AGTRAP: variants seen among roughly 807,000 people sequenced by gnomAD.
The protein encoded by AGTRAP is type-1 angiotensin II receptor-associated protein.
A neutral mutation model predicts 15.2 loss-of-function variants in AGTRAP; 7 were observed. The observed-to-expected ratio is 0.46, with a 90% CI of 0.26 to 0.87. AGTRAP has a LOEUF of 0.87. AGTRAP is among the 40% of genes least tolerant of loss of function. The pLI, the probability that AGTRAP is intolerant of heterozygous loss-of-function variation, is 0.15. For missense variants in AGTRAP, 187 were observed against 213.4 expected (o/e 0.88, Z 0.77); for synonymous variants, 74 against 89.6 (o/e 0.83, Z 0.98).
At position 11,750,555 on chromosome 1, in the gene AGTRAP, T is replaced by G; in HGVS notation, c.*363T>G. 2.0e-6 allele frequency: 1 copy of G among 501,292 alleles called. No homozygotes were observed. Among genetic ancestry groups the G allele is most frequent in the Non-Finnish European group, 3.6e-6 (1 of 279,202 alleles). The allele number at this position is 501,292 out of a possible 1,614,324, so 31.1% of individuals were successfully genotyped here. ...ATGCCCCCTCAGGCCTCCCCCAAGTTTGCTGGGCTTTGGTGGAAGCCCTGA... is the reference window on the plus strand; with the variant it reads ...ATGCCCCCTCAGGCCTCCCCCAAGTGTGCTGGGCTTTGGTGGAAGCCCTGA... On this transcript the variant is annotated 3_prime_UTR_variant, in exon 5 of 5. Coordinates refer to ENST00000314340, the MANE Select transcript of AGTRAP (RefSeq NM_020350.5).
chr1:11,748,419 T>C lies in AGTRAP; in HGVS notation c.173T>C (p.Leu58Pro). The C allele has an allele frequency of 6.2e-7, 1 of 1,613,362 alleles. No homozygotes were observed. Among genetic ancestry groups the C allele is most frequent in the East Asian group, 2.2e-5 (1 of 44,870 alleles). ...TCAGTGTGGTGTGTCTTGCAGTTTC[T>C]GGGTGGCTTGCTGGCCACCATCTTC... Reference protein sequence around the residue: ...RDSIDAISMFLGGLLATIFLD... With the variant: ...RDSIDAISMFPGGLLATIFLD... Residue 58 changes from leucine to proline, a missense_variant, in exon 4 of 5, where the codon CTG becomes CCG. By Grantham distance (98) the Leu-to-Pro change is moderately conservative. Coordinates refer to ENST00000314340, the MANE Select transcript of AGTRAP (RefSeq NM_020350.5).
At chr1:11,748,312 A>G in intron 3 of AGTRAP, 103 bp from the exon 4 acceptor site, 1 of 1,318,600 alleles carries the variant, frequency 7.6e-7, no homozygotes, top group Admixed American at 1.9e-5. Context: ...CGCAAGCCCC[A>G]AGGACACAGC....
At position 11,748,545 on chromosome 1, in the gene AGTRAP, C is replaced by G; in HGVS notation, c.299C>G (p.Pro100Arg). 1 of 1,612,492 alleles carries G rather than the reference C, an allele frequency of 6.2e-7. No homozygotes were observed. Residue 100 changes from proline (P) to arginine (R), a missense_variant, in exon 4 of 5, where the codon CCG becomes CGG. Coordinates refer to ENST00000314340, the MANE Select transcript of AGTRAP (RefSeq NM_020350.5). ...GCCATCCTCAGCTTGCTGCTCAAGC[C>G]GCTCTCCTGCTGCTTCGTCTACCAC... is the stretch of plus-strand genomic sequence containing the variant. ...GMAILSLLLKPLSCCFVYHMY... is the reference protein window; with the variant it reads ...GMAILSLLLKRLSCCFVYHMY...
intron 1 of AGTRAP, chr1:11,744,596 C>G (rs1292323022): frequency 1.4e-6 from 1 of 714,508 alleles, no homozygotes; most frequent in African/African-American, 1.8e-5. Flanking sequence ...CGCTTCCCAT[C>G]GAGGCCTCTT....
intron 1 of AGTRAP, among the ~76,000 whole-genome samples, chr1:11,742,667 G>A (rs771722852): frequency 1.7e-4 from 26 of 152,102 alleles, no homozygotes; most frequent in South Asian, 8.3e-4. Context: ...GGTAGCTGGG[G>A]CTATAGATGT....
In AGTRAP at chr1:11,747,524, C is replaced by T; in HGVS notation, c.147C>T (p.Asp49=). The change falls in exon 3 of 5, where the codon GAC becomes GAT. Residue 49 remains aspartate, a synonymous_variant. Coordinates refer to ENST00000314340, the MANE Select transcript of AGTRAP (RefSeq NM_020350.5). The part of the protein sequence containing the change: ...ALGVWAVAQR[D]SIDAISMFLG... ...GCGTGTGGGCTGTGGCTCAGCGGGA[C>T]TCCATCGACGCCATAAGCATGGTGA... 1.2e-6 allele frequency: 2 copies of T among 1,614,084 alleles called. No homozygotes were observed. Among genetic ancestry groups the T allele is most frequent in the Non-Finnish European group, 1.7e-6 (2 of 1,179,998 alleles).
rs750840860 is a variant in AGTRAP at position 11,748,380 on chromosome 1, G to A, written c.169-35G>A. The A allele has an allele frequency of 5.0e-6, 8 of 1,592,482 alleles. No homozygotes were observed. In the Admixed American group the frequency reaches 1.3e-4, roughly 27 times the overall value. On this transcript the variant is annotated intron_variant, in intron 3 of 4. Coordinates refer to ENST00000314340, the MANE Select transcript of AGTRAP (RefSeq NM_020350.5). Reference sequence around the variant, plus strand: ...GCGGGGGAGCCACGGAGCGTGGTGGGGGTGTTGTGCTCATCAGTGTGGTGT... The same window carrying A: ...GCGGGGGAGCCACGGAGCGTGGTGGAGGTGTTGTGCTCATCAGTGTGGTGT...
At chr1:11,742,713 T>C (rs568405579) in intron 1 of AGTRAP, among the ~76,000 whole-genome samples, 2 of 152,202 alleles carry the variant, frequency 1.3e-5, no homozygotes, top group Non-Finnish European at 2.9e-5. Flanking sequence ...TGATTTTTTG[T>C]AGAGATAGGA....
At chr1:11,749,425 C>T (rs1642258173) in intron 4 of AGTRAP, among the ~76,000 whole-genome samples, 1 of 152,182 alleles carries the variant, frequency 6.6e-6, no homozygotes, top group African/African-American at 2.4e-5. Flanking sequence ...TGGGCCTGCC[C>T]CCAGGTGAGG....
At chr1:11,738,883 T>C (rs979913206) in intron 1 of AGTRAP, among the ~76,000 whole-genome samples, 7 of 152,196 alleles carry the variant, frequency 4.6e-5, no homozygotes, top group Non-Finnish European at 1.5e-5. Flanking sequence ...ACAGGACTGG[T>C]AGGAGTTTAT....
rs537291496 is a variant in AGTRAP at position 11,736,524 on chromosome 1, G to C, written c.27+289G>C. On this transcript the variant is annotated intron_variant, in intron 1 of 4. Coordinates refer to ENST00000314340, the MANE Select transcript of AGTRAP (RefSeq NM_020350.5). ...CTCCCAGCGGGCAGCGCCGGTCCCA[G>C]CATTGCTGTTGCCTGCACGCCCAGA... Among the ~76,000 whole-genome samples, 6 of 152,330 alleles carry C rather than the reference G, an allele frequency of 3.9e-5. No individual in the cohort carries two copies. In the South Asian group the frequency reaches 1.2e-3, roughly 32 times the overall value.
At position 11,747,674 on chromosome 1, in the gene AGTRAP, A is replaced by G. The variant is rs562373594; in HGVS notation, c.168+129A>G. 112 of 976,708 alleles carry G rather than the reference A, an allele frequency of 1.1e-4. 1 individual carries two copies. The African/African-American group carries it at 1.7e-3, about 15-fold the overall frequency. 60.5% of individuals were successfully genotyped at this position (976,708 alleles called of 1,614,324 possible). On this transcript the variant is annotated intron_variant, in intron 3 of 4. Transcript: ENST00000314340. ...CTTGGGCCACCACTTCCCATTGTCTAAAGCCTGTTCATCAGCCTCCTGGGC... is the reference window on the plus strand; with the variant it reads ...CTTGGGCCACCACTTCCCATTGTCTGAAGCCTGTTCATCAGCCTCCTGGGC...
At chr1:11,737,832 C>T (rs1641937436) in intron 1 of AGTRAP, among the ~76,000 whole-genome samples, 1 of 152,040 alleles carries the variant, frequency 6.6e-6, no homozygotes, top group Non-Finnish European at 1.5e-5. Context: ...AAGGCTGGTC[C>T]TCCCCTTGAC....
rs751218967 is a variant in AGTRAP, at chr1:11,750,114, G to C, written c.402G>C (p.Gln134His). ...CTTCTCAGGACCGTAGTGCCTACCA[G>C]ACGATTGACTCAGCAGAGGCGCCCG... Reference protein sequence around the residue: ...LGSSQDRSAYQTIDSAEAPAD... With the variant: ...LGSSQDRSAYHTIDSAEAPAD... The change falls in exon 5 of 5, where the codon CAG (glutamine) becomes CAC (histidine). Residue 134 changes from glutamine to histidine, a missense_variant. Coordinates refer to ENST00000314340, the MANE Select transcript of AGTRAP (RefSeq NM_020350.5). 6.2e-7 allele frequency: 1 copy of C among 1,614,082 alleles called. No homozygotes were observed. The highest frequency in any genetic ancestry group is 8.5e-7 in the Non-Finnish European group (1 of 1,180,018).
chr1:11,737,634 A>G (rs922783153), intron 1 of AGTRAP, among the ~76,000 whole-genome samples: 19 of 152,214 alleles, frequency 1.2e-4, no homozygotes, highest in African/African-American at 4.6e-4. Context: ...ATTTGAACCC[A>G]TAGGGATCAG....
rs1298350054 is a variant in AGTRAP at position 11,748,434 on chromosome 1, C to T, written c.188C>T (p.Ala63Val). Residue 63 changes from alanine (A) to valine (V), a missense_variant, in exon 4 of 5, where the codon GCC becomes GTC. By Grantham distance (64) the Ala-to-Val change is moderately conservative. Transcript: ENST00000314340. ...TTGCAGTTTCTGGGTGGCTTGCTGG[C>T]CACCATCTTCCTGGACATCGTGCAC... ...AISMFLGGLL[A>V]TIFLDIVHIS... The T allele has an allele frequency of 6.2e-7, 1 of 1,613,622 alleles. No homozygotes were observed.
rs1279404638 is a variant in AGTRAP at position 11,745,524 on chromosome 1, GGTTCATAC to G, written c.28-277_28-270del. ...CTCCTATTCAAGATGGAATTGCTCT[GGTTCATAC>G]GCCTCTGACGCTTGGAAGGGGTGTG... On this transcript the variant is annotated intron_variant, in intron 1 of 4. Coordinates refer to ENST00000314340, the MANE Select transcript of AGTRAP (RefSeq NM_020350.5). This position sits in a 1 kb window ranked among gnomAD's most constrained non-coding sequence, Gnocchi z 4.2. 4.6e-5 allele frequency among the ~76,000 whole-genome samples: 7 copies of G among 152,168 alleles called. No homozygotes were observed. Among genetic ancestry groups the G allele is most frequent in the Non-Finnish European group, 1.0e-4 (7 of 68,026 alleles).
rs772180824 is a variant in AGTRAP, at chr1:11,746,004, C to T, written c.62+167C>T. On this transcript the variant is annotated intron_variant, in intron 2 of 4. Coordinates refer to ENST00000314340, the MANE Select transcript of AGTRAP (RefSeq NM_020350.5). ...GTACAATAGGCATAAGGATTGCACA[C>T]CCTGCAGGAGCTGGGAGGGAGACGT... 21 of 1,326,488 alleles carry T rather than the reference C, an allele frequency of 1.6e-5. No individual in the cohort carries two copies. The African/African-American group carries it at 2.6e-4, about 16-fold the overall frequency. 82.2% of individuals were successfully genotyped at this position (1,326,488 alleles called of 1,614,324 possible). A position where few individuals can be genotyped will look rare whatever the true frequency, so the allele number is the denominator to read the frequency against.
At chr1:11,744,906 G>A (rs2100772486) in intron 1 of AGTRAP, among the ~76,000 whole-genome samples, 1 of 147,384 alleles carries the variant, frequency 6.8e-6, no homozygotes, top group East Asian at 2.0e-4. Flanking sequence ...CCAGGCTGGA[G>A]TGCAATGGCA....
Sources: allele counts gnomAD v4.1 joint callset (sites outside exome capture counted in the v4.1 genomes callset), GRCh38; gene constraint gnomAD v4.1.1; non-coding constraint Gnocchi (gnomAD v3.1); transcripts MANE v1.5; gene names NCBI Gene and HGNC (gene_info 2026-07-23, HGNC 2026-07-21).